Variants in ATP6V0A1 observed in about 807,000 individuals in gnomAD.
ATP6V0A1 encodes ATPase H+ transporting V0 subunit a1, also known as V-type proton ATPase 116 kDa subunit a 1.
Under a neutral mutation model 105.4 loss-of-function variants are expected in ATP6V0A1, and 43 were observed. The ratio of observed to expected loss-of-function variants is 0.41; its 90% CI spans 0.32 to 0.53. ATP6V0A1 has a LOEUF of 0.53. Among genes scored for constraint, ATP6V0A1 ranks in the 20% least tolerant of loss-of-function variants. The pLI, the probability that ATP6V0A1 is intolerant of heterozygous loss-of-function variation, is 0.30. For synonymous variants in ATP6V0A1, 362 were observed against 372.8 expected (o/e 0.97, Z 0.33); for missense variants, 676 against 1,051.1 (o/e 0.64, Z 4.93).
intron 21 of ATP6V0A1, among the ~76,000 whole-genome samples, chr17:42,516,335 G>A (rs2092624266): frequency 6.6e-6 from 1 of 152,100 alleles, no homozygotes. Context: ...GCAAGACGTG[G>A]CTAGGGTGCA....
chr17:42,467,846 T>G (rs1281897867), intron 3 of ATP6V0A1, among the ~76,000 whole-genome samples, 164 bp from the exon 4 acceptor site: 1 of 151,854 alleles, frequency 6.6e-6, no homozygotes, highest in Non-Finnish European at 1.5e-5. Context: ...AAAAGGTGCT[T>G]CTTTCATATT....
At chr17:42,472,917 G>T (rs528382981) in intron 5 of ATP6V0A1, among the ~76,000 whole-genome samples, 1 of 152,268 alleles carries the variant, frequency 6.6e-6, no homozygotes, top group South Asian at 2.1e-4. Flanking sequence ...GTGGGAGTTA[G>T]GCCTAGCAGT....
At chr17:42,485,991 C>G (rs977478843) in intron 9 of ATP6V0A1, among the ~76,000 whole-genome samples, 1 of 152,186 alleles carries the variant, frequency 6.6e-6, no homozygotes, top group Non-Finnish European at 1.5e-5. Flanking sequence ...GACAATTTTT[C>G]AGGGAGTAGT....
intron 21 of ATP6V0A1, among the ~76,000 whole-genome samples, chr17:42,517,281 AAACAACAACAACAAC>A (rs547241454): frequency 6.7e-6 from 1 of 149,694 alleles, no homozygotes; most frequent in Non-Finnish European, 1.5e-5. Flanking sequence ...CTCCGTCTCA[AAACAACAACAACAAC>A]AACAACAACA....
chr17:42,471,272 A>C (rs949947722), intron 5 of ATP6V0A1: 1 of 151,586 alleles, frequency 6.6e-6, no homozygotes, highest in Non-Finnish European at 1.5e-5. Context: ...AATACAAAAA[A>C]TTAGCCGGGC....
At chr17:42,494,009 C>T (rs1181815652) in intron 11 of ATP6V0A1, among the ~76,000 whole-genome samples, 4 of 151,978 alleles carry the variant, frequency 2.6e-5, no homozygotes, top group East Asian at 1.9e-4. Flanking sequence ...TTTGGGAGGC[C>T]GAGGCAGGTG....
chr17:42,467,071 C>T lies in ATP6V0A1; in HGVS notation c.196+564C>T, dbSNP rs139567848. On this transcript the variant is annotated intron_variant, in intron 3 of 21. Coordinates refer to ENST00000343619, the MANE Select transcript of ATP6V0A1 (RefSeq NM_001130021.3). ...CTGAGGCTGGAGAATGGCATGGACC[C>T]GGGAGGCAGAGCTTGCAGTGAGCTG... 3.8e-4 allele frequency among the ~76,000 whole-genome samples: 58 copies of T among 151,990 alleles called. No homozygotes were observed. The East Asian group carries it at 4.1e-3, about 11-fold the overall frequency.
chr17:42,496,449 A>G (rs1322930188), intron 14 of ATP6V0A1: 1 of 152,034 alleles, frequency 6.6e-6, no homozygotes, highest in Non-Finnish European at 1.5e-5. Flanking sequence ...TCAAATGCTT[A>G]GGCAAATTAA....
chr17:42,484,136 C>T (rs2089856728), intron 9 of ATP6V0A1, among the ~76,000 whole-genome samples: 1 of 152,134 alleles, frequency 6.6e-6, no homozygotes, highest in African/African-American at 2.4e-5. Flanking sequence ...CGGCTCACTG[C>T]AAGCTCCACC....
chr17:42,462,445 G>A (rs1182192935), intron 2 of ATP6V0A1, among the ~76,000 whole-genome samples: 3 of 151,906 alleles, frequency 2.0e-5, no homozygotes, highest in Non-Finnish European at 1.5e-5. Flanking sequence ...TTTTGAGACA[G>A]AGTCCACTCT....
intron 14 of ATP6V0A1, chr17:42,496,078 A>G (rs7211255): frequency 0.3 from 43,265 of 142,218 alleles, 7,680 homozygotes; most frequent in East Asian, 0.52. Flanking sequence ...AAAAAAAAAA[A>G]AAAGAAAGAA....
chr17:42,462,044 C>CAAAA (rs1040242459), intron 2 of ATP6V0A1, among the ~76,000 whole-genome samples: 1 of 52,894 alleles, frequency 1.9e-5, no homozygotes, highest in Non-Finnish European at 3.8e-5. Context: ...CCGTCTCTGC[C>CAAAA]AAAAAAAAAA....
At chr17:42,501,150 C>A in intron 16 of ATP6V0A1, 47 bp from the exon 17 acceptor site, 1 of 1,485,842 alleles carries the variant, frequency 6.7e-7, no homozygotes, top group South Asian at 1.2e-5. Context: ...CGTATGTGAT[C>A]GGTAGACTTT....
chr17:42,465,190 C>T (rs942333993), intron 2 of ATP6V0A1, among the ~76,000 whole-genome samples: 3 of 151,222 alleles, frequency 2.0e-5, no homozygotes, highest in Non-Finnish European at 2.9e-5. Context: ...GACAGGGTTT[C>T]GCCATGTTGT....
intron 19 of ATP6V0A1, 98 bp from the exon 20 acceptor site, chr17:42,513,763 C>A: frequency 8.6e-7 from 1 of 1,160,278 alleles, no homozygotes; most frequent in Non-Finnish European, 1.3e-6. Flanking sequence ...AGTCCCCTGC[C>A]CTGGCCCAGG....
At chr17:42,494,255 T>C (rs1598936849) in intron 11 of ATP6V0A1, 79 bp from the exon 12 acceptor site, 4 of 1,368,430 alleles carry the variant, frequency 2.9e-6, no homozygotes, top group African/African-American at 1.5e-5. Context: ...GGGGGGTGGG[T>C]ATGGAAAAGA....
intron 3 of ATP6V0A1, 136 bp from the exon 4 acceptor site, chr17:42,467,874 T>A (rs989842017): frequency 1.5e-4 from 33 of 225,216 alleles, no homozygotes; most frequent in Non-Finnish European, 2.3e-4. Context: ...ATTATATCTT[T>A]TATATATATA....
chr17:42,481,609 CA>C (rs976658407), intron 8 of ATP6V0A1, among the ~76,000 whole-genome samples: 1 of 152,008 alleles, frequency 6.6e-6, no homozygotes, highest in Non-Finnish European at 1.5e-5. Context: ...TTTGGGAGGC[CA>C]AGGCAGGAGG....
rs761374087 is a variant in ATP6V0A1, at chr17:42,501,151, G to A, written c.1897-46G>A. ...ATATTTGGAAACTGCGTATGTGATCGGTAGACTTTTATATGATGTACCTTG... is the reference window on the plus strand; with the variant it reads ...ATATTTGGAAACTGCGTATGTGATCAGTAGACTTTTATATGATGTACCTTG... On this transcript the variant is annotated intron_variant, in intron 16 of 21. Coordinates refer to ENST00000343619, the MANE Select transcript of ATP6V0A1 (RefSeq NM_001130021.3). 14 of 1,492,790 alleles carry A rather than the reference G, an allele frequency of 9.4e-6. No individual in the cohort carries two copies. The South Asian group carries it at 1.4e-4, about 15-fold the overall frequency. The allele number at this position is 1,492,790 out of a possible 1,614,324, so 92.5% of individuals were successfully genotyped here.
Sources: allele counts gnomAD v4.1 joint callset (sites outside exome capture counted in the v4.1 genomes callset), GRCh38; gene constraint gnomAD v4.1.1; transcripts MANE v1.5; gene names NCBI Gene and HGNC (gene_info 2026-07-23, HGNC 2026-07-21).